Variants in RRP1B observed in about 807,000 individuals in gnomAD.
RRP1B encodes the protein ribosomal RNA processing protein 1 homolog B.
RRP1B carries 56 observed loss-of-function variants against 80.2 expected under a neutral mutation model. That is an observed-to-expected ratio of 0.70 (90% CI 0.56 to 0.87). RRP1B has a LOEUF of 0.87. Among genes scored for constraint, RRP1B ranks in the 40% least tolerant of loss-of-function variants. The pLI is 0.00. For synonymous variants in RRP1B, 351 were observed against 357.6 expected (o/e 0.98, Z 0.21); for missense variants, 807 against 939.8 (o/e 0.86, Z 1.85).
chr21:43,665,141 A>G (rs1317848873), intron 1 of RRP1B, among the ~76,000 whole-genome samples: 1 of 152,250 alleles, frequency 6.6e-6, no homozygotes, highest in African/African-American at 2.4e-5. Context: ...TGGGCTATCC[A>G]TAGCAGATGC....
intron 13 of RRP1B, among the ~76,000 whole-genome samples, chr21:43,688,968 T>G (rs2083075563): frequency 6.6e-6 from 1 of 152,252 alleles, no homozygotes; most frequent in African/African-American, 2.4e-5. Flanking sequence ...TTTTGTTATT[T>G]TTGTAGAGAC....
At chr21:43,674,784 A>G (rs563256382) in intron 5 of RRP1B, 87 bp downstream of exon 5, 2 of 1,226,420 alleles carry the variant, frequency 1.6e-6, no homozygotes, top group African/African-American at 3.1e-5. Flanking sequence ...GTAGAGTACC[A>G]ATGAGAAGCT....
chr21:43,669,769 TA>T, intron 1 of RRP1B, 114 bp from the exon 2 acceptor site: 1 of 692,546 alleles, frequency 1.4e-6, no homozygotes, highest in Non-Finnish European at 2.4e-6. Context: ...TTCAATTTTT[TA>T]AAAAGACGTG....
At position 43,687,557 on chromosome 21, in the gene RRP1B, A is replaced by T; in HGVS notation, c.1183A>T (p.Ser395Cys). The T allele has an allele frequency of 8.0e-6, 12 of 1,500,766 alleles. No individual in the cohort carries two copies. Among genetic ancestry groups the T allele is most frequent in the Non-Finnish European group, 1.1e-5 (12 of 1,132,944 alleles). The allele number at this position is 1,500,766 out of a possible 1,614,324, so 93.0% of individuals were successfully genotyped here. A position where few individuals can be genotyped will look rare whatever the true frequency, so the allele number is the denominator to read the frequency against. ...TGTAGAGGAAGAGGACAGTGAAAGC[A>T]GTCTTCAAAAGAGAAGAAGGAAGAA... ...FCVEEEDSES[S>C]LQKRRRKKKK... Residue 395 changes from serine to cysteine, a missense_variant, in exon 13 of 16, where the codon AGT (serine) becomes TGT (cysteine). Ser to Cys is a moderately radical substitution (Grantham distance 112, BLOSUM62 -1). Transcript: ENST00000340648.
At chr21:43,669,715 GTAAT>G (rs1399163982) in intron 1 of RRP1B, among the ~76,000 whole-genome samples, 165 bp from the exon 2 acceptor site, 11 of 151,936 alleles carry the variant, frequency 7.2e-5, no homozygotes, top group Admixed American at 7.2e-4. Flanking sequence ...AGGTACAGTA[GTAAT>G]TTATTTGTGT....
At chr21:43,689,519 T>G (rs2083077955) in intron 13 of RRP1B, among the ~76,000 whole-genome samples, 1 of 152,126 alleles carries the variant, frequency 6.6e-6, no homozygotes, top group Non-Finnish European at 1.5e-5. Flanking sequence ...CGCCATCTCC[T>G]CCCTGGACTG....
At chr21:43,683,496 C>A in intron 9 of RRP1B, 123 bp downstream of exon 9, 1 of 654,204 alleles carries the variant, frequency 1.5e-6, no homozygotes, top group Non-Finnish European at 2.7e-6. Flanking sequence ...TTAATCCCTT[C>A]AGTCACTAAA....
intron 3 of RRP1B, 87 bp downstream of exon 3, chr21:43,672,452 C>T: frequency 8.8e-7 from 1 of 1,139,566 alleles, no homozygotes; most frequent in African/African-American, 1.5e-5. Flanking sequence ...GTGTAGATGT[C>T]AGGGGACAAG....
At chr21:43,661,737 G>T (rs975434202) in intron 1 of RRP1B, among the ~76,000 whole-genome samples, 1 of 152,158 alleles carries the variant, frequency 6.6e-6, no homozygotes, top group African/African-American at 2.4e-5. Context: ...TGCAAGTCAT[G>T]ATCTGTCCTC....
intron 8 of RRP1B, among the ~76,000 whole-genome samples, chr21:43,683,021 C>T (rs1194156918): frequency 6.6e-6 from 1 of 152,046 alleles, no homozygotes; most frequent in African/African-American, 2.4e-5. Context: ...TACAGGCACC[C>T]GCAACCACGC....
At position 43,691,354 on chromosome 21, in the gene RRP1B, A is replaced by T; in HGVS notation, c.2020-85A>T. On this transcript the variant is annotated intron_variant, in intron 14 of 15. Transcript: ENST00000340648. This position sits in a 1 kb window ranked among gnomAD's most constrained non-coding sequence, Gnocchi z 4.2. The stretch of plus-strand genomic sequence containing the variant: ...CAGCAGTGTGGGCGGCATACCCTCC[A>T]GGGCAGGTTCTCCAGAAAAATCTGA... 7.8e-7 allele frequency: 1 copy of T among 1,279,622 alleles called. No homozygotes were observed. The highest frequency in any genetic ancestry group is 1.1e-6 in the Non-Finnish European group (1 of 887,882). 79.3% of individuals were successfully genotyped at this position (1,279,622 alleles called of 1,614,324 possible). A position where few individuals can be genotyped will look rare whatever the true frequency, so the allele number is the denominator to read the frequency against.
In RRP1B at chr21:43,676,836, G is replaced by A. The variant is rs750860748; in HGVS notation, c.718G>A (p.Gly240Ser). Residue 240 changes from glycine (G) to serine (S), a missense_variant, in exon 8 of 16, where the codon GGT becomes AGT. Transcript: ENST00000340648. ...ETMEEQKTKV[G>S]DGDLSAEEIP... ...GATGGAGGAACAGAAGACAAAAGTGGGTGATGGTGACCTCTCTGCTGAGGA... is the reference window on the plus strand; with the variant it reads ...GATGGAGGAACAGAAGACAAAAGTGAGTGATGGTGACCTCTCTGCTGAGGA... The A allele has an allele frequency of 4.3e-6, 7 of 1,614,132 alleles. No homozygotes were observed. The highest frequency in any genetic ancestry group is 1.3e-5 in the African/African-American group (1 of 74,942).
At chr21:43,674,359 G>A (rs1480613403) in intron 4 of RRP1B, among the ~76,000 whole-genome samples, 1 of 152,160 alleles carries the variant, frequency 6.6e-6, no homozygotes, top group African/African-American at 2.4e-5. Flanking sequence ...GGTTTGCCAT[G>A]TTGGCCAGGG....
chr21:43,667,084 T>C (rs992822176), intron 1 of RRP1B, among the ~76,000 whole-genome samples: 2 of 152,154 alleles, frequency 1.3e-5, no homozygotes, highest in African/African-American at 4.8e-5. Flanking sequence ...ACTTCATAGG[T>C]TGGTGCAGCG....
chr21:43,682,458 A>AT (rs2083047206), intron 8 of RRP1B, among the ~76,000 whole-genome samples: 1 of 152,212 alleles, frequency 6.6e-6, no homozygotes, highest in African/African-American at 2.4e-5. Flanking sequence ...AACACTCTGA[A>AT]TTTTTTAAGT....
intron 2 of RRP1B, 44 bp from the exon 3 acceptor site, chr21:43,672,264 C>T (rs368226551): frequency 1.8e-5 from 28 of 1,583,950 alleles, no homozygotes; most frequent in Non-Finnish European, 2.3e-5. Flanking sequence ...TCTCATGTTG[C>T]CCCACGATAA....
At chr21:43,676,382 C>T in intron 7 of RRP1B, 46 bp downstream of exon 7, 3 of 1,452,086 alleles carry the variant, frequency 2.1e-6, no homozygotes, top group Middle Eastern at 3.5e-4. Flanking sequence ...GGCATTTGCT[C>T]ATGGGAGTTA....
At chr21:43,683,851 C>T (rs1314104698) in intron 9 of RRP1B, among the ~76,000 whole-genome samples, 2 of 151,692 alleles carry the variant, frequency 1.3e-5, no homozygotes, top group South Asian at 4.2e-4. Context: ...CCGTGGCGCA[C>T]GCCTGTAATC....
intron 8 of RRP1B, among the ~76,000 whole-genome samples, chr21:43,677,673 AATT>A (rs1379469316): frequency 6.6e-6 from 1 of 152,236 alleles, no homozygotes; most frequent in East Asian, 1.9e-4. Flanking sequence ...GGTTTTCTTT[AATT>A]ATTATGGCTA....
Sources: allele counts gnomAD v4.1 joint callset (sites outside exome capture counted in the v4.1 genomes callset), GRCh38; gene constraint gnomAD v4.1.1; non-coding constraint Gnocchi (gnomAD v3.1); transcripts MANE v1.5; gene names NCBI Gene and HGNC (gene_info 2026-07-23, HGNC 2026-07-21).